The following JCAD variants were observed in gnomAD, a reference collection of about 807,000 sequenced individuals.
JCAD encodes junctional cadherin 5-associated protein.
Under a neutral mutation model 98.0 loss-of-function variants are expected in JCAD, and 40 were observed. That is an observed-to-expected ratio of 0.41 (90% CI 0.32 to 0.53). The LOEUF is 0.53. Among genes scored for constraint, JCAD ranks in the 20% least tolerant of loss-of-function variants. The probability of loss-of-function intolerance (pLI) is 0.31; values close to 1 mark genes in which losing one functional copy is unlikely to be tolerated. For missense variants in JCAD, 1,705 were observed against 1,738.1 expected, an observed-to-expected ratio of 0.98 and a Z score of 0.34; for synonymous variants, 691 against 682.3, an observed-to-expected ratio of 1.01 and a Z score of -0.20.
intron 1 of JCAD, among the ~76,000 whole-genome samples, chr10:30,070,175 A>G (rs1266307106): frequency 6.6e-6 from 1 of 152,252 alleles, no homozygotes; most frequent in African/African-American, 2.4e-5. Flanking sequence ...AAAATAAATC[A>G]AATGAAAGTC....
chr10:30,056,452 A>G (rs1326059414), intron 1 of JCAD, among the ~76,000 whole-genome samples: 1 of 152,198 alleles, frequency 6.6e-6, no homozygotes, highest in African/African-American at 2.4e-5. Flanking sequence ...GTGCCAAGAG[A>G]TAACCAGTAG....
chr10:30,017,219 A>G lies in JCAD; in HGVS notation c.*664T>C, dbSNP rs1364192119. 1 of 152,280 alleles carries G rather than the reference A, an allele frequency of 6.6e-6. No individual in the cohort carries two copies. The highest frequency in any genetic ancestry group is 1.9e-4 in the East Asian group (1 of 5,204). The allele number at this position is 152,280 out of a possible 1,614,324, so 9.4% of individuals were successfully genotyped here. ...GACAATGGCGTGTTTGCAAATGATC[A>G]AAATATTTCACTGCCAGATAAATAA... On this transcript the variant is annotated 3_prime_UTR_variant, in exon 4 of 4. Transcript: ENST00000375377.
chr10:30,079,958 A>C (rs1410955754), intron 1 of JCAD, among the ~76,000 whole-genome samples: 3 of 152,132 alleles, frequency 2.0e-5, no homozygotes, highest in Non-Finnish European at 4.4e-5. Flanking sequence ...CCCTCTTCCC[A>C]CAGAAAGAGC....
chr10:30,047,910 C>T, intron 1 of JCAD, 39 bp from the exon 2 acceptor site: 3 of 1,336,154 alleles, frequency 2.2e-6, no homozygotes, highest in Middle Eastern at 2.1e-4. Context: ...GACTAGGTCT[C>T]CCTAGAGGTC....
intron 2 of JCAD, among the ~76,000 whole-genome samples, chr10:30,045,752 C>T (rs1230653286): frequency 6.6e-6 from 1 of 152,112 alleles, no homozygotes; most frequent in Non-Finnish European, 1.5e-5. Flanking sequence ...AGCTTCCAGC[C>T]CCTTCTTCAT....
intron 1 of JCAD, among the ~76,000 whole-genome samples, chr10:30,081,743 A>C (rs1035031194): frequency 6.6e-6 from 1 of 152,040 alleles, no homozygotes; most frequent in Admixed American, 6.6e-5. Flanking sequence ...CCTGAGCCCA[A>C]GATTTGAATG....
rs201802461 is a variant in JCAD, at chr10:30,076,600, G to GCGGT, written n.129-6783_129-6780dup. Among the ~76,000 whole-genome samples, 1,061 of 152,274 alleles carry GCGGT rather than the reference G, an allele frequency of 7.0e-3. 6 individuals carry two copies. The highest frequency in any genetic ancestry group is 9.2e-3 in the Non-Finnish European group (627 of 68,018). ...ACAAGCCTTCCCTTTTCAGAAAGGG[G>GCGGT]CGGTGTCCCAGGGCTGTTTGGCTAC... On this transcript the variant is annotated intron_variant and non_coding_transcript_variant, in intron 1 of 2. Coordinates refer to the JCAD transcript ENST00000465712.
intron 2 of JCAD, among the ~76,000 whole-genome samples, chr10:30,069,514 A>T (rs1238045553): frequency 6.6e-6 from 1 of 150,770 alleles, no homozygotes; most frequent in Non-Finnish European, 1.5e-5. Flanking sequence ...TCAACCTGGG[A>T]GGCAGAGGTT....
In JCAD at chr10:30,028,052, G is replaced by A. The variant is rs1388931145; in HGVS notation, c.2096C>T (p.Pro699Leu). 1 of 1,614,110 alleles carries A rather than the reference G, an allele frequency of 6.2e-7. No individual in the cohort carries two copies. Among genetic ancestry groups the A allele is most frequent in the Non-Finnish European group, 8.5e-7 (1 of 1,180,042 alleles). ...QQTQTSFSEE[P>L]QSSQLLPGAK... ...ACCAGGGAGCAGCTGCGAACTTTGG[G>A]GCTCCTCGGAGAAACTGGTTTGTGT... Residue 699 changes from proline (P) to leucine (L), a missense_variant, in exon 3 of 4, where the codon CCC becomes CTC. Physicochemically the swap from Pro to Leu is moderately conservative, Grantham distance 98. This residue lies in a region of JCAD where 1,278 missense variants were observed against 1,243.1 expected (regional missense o/e 1.03). Coordinates refer to ENST00000375377, the MANE Select transcript of JCAD (RefSeq NM_020848.4).
chr10:30,080,132 T>A (rs909596297), intron 1 of JCAD, among the ~76,000 whole-genome samples: 2 of 152,058 alleles, frequency 1.3e-5, no homozygotes, highest in African/African-American at 4.8e-5. Flanking sequence ...GAATAGTCAG[T>A]GAGTGAGGAA....
intron 1 of JCAD, among the ~76,000 whole-genome samples, chr10:30,052,684 C>T (rs4749525): frequency 0.23 from 35,258 of 152,092 alleles, 4,732 homozygotes; most frequent in East Asian, 0.31. Flanking sequence ...CATCAGGGCA[C>T]TTGTTTTACA....
intron 2 of JCAD, among the ~76,000 whole-genome samples, chr10:30,038,247 G>T (rs992502170): frequency 6.6e-6 from 1 of 152,180 alleles, no homozygotes; most frequent in African/African-American, 2.4e-5. Context: ...AACTGGTGCT[G>T]ATGTGAAGGA....
intron 1 of JCAD, among the ~76,000 whole-genome samples, chr10:30,056,034 C>T (rs918908961): frequency 1.3e-5 from 2 of 152,054 alleles, no homozygotes; most frequent in African/African-American, 4.8e-5. Flanking sequence ...TTTTATGAGA[C>T]CTTAAGTACC....
chr10:30,089,319 C>T (rs1273805391), intron 1 of JCAD, among the ~76,000 whole-genome samples: 2 of 152,142 alleles, frequency 1.3e-5, no homozygotes, highest in East Asian at 1.9e-4. Context: ...GTGGTGTCAG[C>T]GAATGGCTAC....
chr10:30,075,391 A>G (rs181479401), intron 1 of JCAD, among the ~76,000 whole-genome samples: 1 of 152,178 alleles, frequency 6.6e-6, no homozygotes, highest in Admixed American at 6.5e-5. Context: ...CTTCTCATTA[A>G]ACCCGTAGGT....
At position 30,029,529 on chromosome 10, in the gene JCAD, G is replaced by A; in HGVS notation, c.619C>T (p.Leu207=). 6.2e-7 allele frequency: 1 copy of A among 1,614,218 alleles called. No individual in the cohort carries two copies. The highest frequency in any genetic ancestry group is 1.1e-5 in the South Asian group (1 of 91,082). Residue 207 remains leucine, a synonymous_variant, in exon 3 of 4, where the codon CTG becomes TTG. Coordinates refer to ENST00000375377, the MANE Select transcript of JCAD (RefSeq NM_020848.4). ...RQMSDGDGER[L]FQDLYPFIQG... Reference sequence around the variant, plus strand: ...ATGAATGGGTACAGGTCTTGAAACAGTCTCTCCCCATCTCCATCAGACATC... The same window carrying A: ...ATGAATGGGTACAGGTCTTGAAACAATCTCTCCCCATCTCCATCAGACATC...
At chr10:30,035,432 C>A (rs539022474) in intron 2 of JCAD, among the ~76,000 whole-genome samples, 67 of 152,274 alleles carry the variant, frequency 4.4e-4, no homozygotes, top group African/African-American at 1.6e-3. Context: ...AACTATAAAC[C>A]ATTTAATTAA....
In JCAD at chr10:30,013,653, G is replaced by C. The variant is rs904167723; in HGVS notation, c.*4230C>G. On this transcript the variant is annotated 3_prime_UTR_variant, in exon 4 of 4. Coordinates refer to ENST00000375377, the MANE Select transcript of JCAD (RefSeq NM_020848.4). ...GGAAGAAAGAAGAGATGGTCCTTTGGCTTGGTTGTAAGCCCTAGTAGGGCC... is the reference window on the plus strand; with the variant it reads ...GGAAGAAAGAAGAGATGGTCCTTTGCCTTGGTTGTAAGCCCTAGTAGGGCC... The C allele has an allele frequency of 1.3e-5, 2 of 152,248 alleles. No homozygotes were observed. Among genetic ancestry groups the C allele is most frequent in the African/African-American group, 4.8e-5 (2 of 41,444 alleles). 9.4% of individuals were successfully genotyped at this position (152,248 alleles called of 1,614,324 possible).
At chr10:30,101,830 G>C (rs1043649420) in intron 1 of JCAD, among the ~76,000 whole-genome samples, 30 of 152,332 alleles carry the variant, frequency 2.0e-4, no homozygotes, top group African/African-American at 7.2e-4. Flanking sequence ...TGAAAGGGGA[G>C]ATTATCCACT....
Sources: allele counts gnomAD v4.1 joint callset (sites outside exome capture counted in the v4.1 genomes callset), GRCh38; gene constraint gnomAD v4.1.1; regional missense constraint gnomAD v4.1.1; transcripts MANE v1.5; gene names NCBI Gene and HGNC (gene_info 2026-07-23, HGNC 2026-07-21).